The following CSMD1 variants were observed in gnomAD, a reference collection of about 807,000 sequenced individuals.
CSMD1 encodes CUB and sushi domain-containing protein 1.
CSMD1 carries 213 observed loss-of-function variants against 417.5 expected under a neutral mutation model. That is an observed-to-expected ratio of 0.51 (90% CI 0.46 to 0.57). The LOEUF (loss-of-function observed/expected upper bound fraction) is 0.57. CSMD1 is among the 20% of genes least tolerant of loss of function. The pLI, the probability that CSMD1 is intolerant of heterozygous loss-of-function variation, is 0.00. For synonymous variants in CSMD1, 2,862 were observed against 1,736.8 expected, an observed-to-expected ratio of 1.65 and a Z score of -16.11; for missense variants, 6,923 against 4,529.7, an observed-to-expected ratio of 1.53 and a Z score of -15.17.
intron 1 of CSMD1, among the ~76,000 whole-genome samples, chr8:4,965,221 T>C (rs1809781511): frequency 6.6e-6 from 1 of 152,224 alleles, no homozygotes. Context: ...ATAAGGATTT[T>C]AACACATTTC....
intron 7 of CSMD1, among the ~76,000 whole-genome samples, chr8:3,693,954 T>C (rs1171175082): frequency 1.3e-5 from 2 of 150,934 alleles, no homozygotes; most frequent in Admixed American, 1.3e-4. Context: ...GTGTTGGATA[T>C]AGGGGTGTGT....
chr8:4,472,663 A>G (rs989097256), intron 2 of CSMD1, among the ~76,000 whole-genome samples: 3 of 152,008 alleles, frequency 2.0e-5, no homozygotes, highest in African/African-American at 7.2e-5. Context: ...TTTATAAAAT[A>G]TTAATTGCTT....
intron 3 of CSMD1, among the ~76,000 whole-genome samples, chr8:4,197,318 C>A (rs907004684): frequency 1.3e-5 from 2 of 152,158 alleles, no homozygotes; most frequent in South Asian, 2.1e-4. Flanking sequence ...TATACAACAA[C>A]CTGACTTGGC....
At chr8:3,697,316 A>T (rs1028464734) in intron 7 of CSMD1, among the ~76,000 whole-genome samples, 5 of 152,144 alleles carry the variant, frequency 3.3e-5, no homozygotes, top group African/African-American at 9.7e-5. Context: ...TTCTCCTTAC[A>T]CCTTTAAAAT....
intron 3 of CSMD1, among the ~76,000 whole-genome samples, chr8:4,210,795 C>G (rs1284620524): frequency 2.6e-5 from 4 of 152,212 alleles, no homozygotes; most frequent in East Asian, 1.9e-4. Flanking sequence ...ACGAGCATAT[C>G]TACAAGGTCT....
chr8:4,574,424 C>T (rs1002272952), intron 2 of CSMD1, among the ~76,000 whole-genome samples: 1 of 152,170 alleles, frequency 6.6e-6, no homozygotes, highest in Non-Finnish European at 1.5e-5. Flanking sequence ...ATGCCCCACC[C>T]TTCTTCTGCT....
intron 5 of CSMD1, among the ~76,000 whole-genome samples, chr8:3,849,517 G>C (rs1473261303): frequency 6.6e-6 from 1 of 152,138 alleles, no homozygotes; most frequent in Non-Finnish European, 1.5e-5. Context: ...TGAGTAGCTC[G>C]ACGGTTAGAA....
chr8:4,191,740 A>G (rs1480094218), intron 3 of CSMD1, among the ~76,000 whole-genome samples: 5 of 62,726 alleles, frequency 8.0e-5, no homozygotes, highest in South Asian at 1.1e-3. Flanking sequence ...AGGGAAGGTC[A>G]TTCCAAAAAA....
chr8:3,283,661 G>A (rs963125562), intron 26 of CSMD1, among the ~76,000 whole-genome samples: 1 of 152,160 alleles, frequency 6.6e-6, no homozygotes, highest in Non-Finnish European at 1.5e-5. Flanking sequence ...TTCCTTGGAA[G>A]CAGGTCATGA....
chr8:2,959,602 T>C (rs1372867762), intron 62 of CSMD1, among the ~76,000 whole-genome samples: 1 of 152,168 alleles, frequency 6.6e-6, no homozygotes, highest in Non-Finnish European at 1.5e-5. Flanking sequence ...AAACTGATTA[T>C]CATACACTAA....
chr8:4,396,994 C>T (rs1352616769), intron 3 of CSMD1, among the ~76,000 whole-genome samples: 1 of 151,712 alleles, frequency 6.6e-6, no homozygotes, highest in Non-Finnish European at 1.5e-5. Context: ...ATTCATGTAA[C>T]CAAACACCAT....
chr8:4,582,058 G>T (rs1329226643), intron 2 of CSMD1, among the ~76,000 whole-genome samples: 1 of 151,590 alleles, frequency 6.6e-6, no homozygotes, highest in Non-Finnish European at 1.5e-5. Context: ...ATGGGACACT[G>T]CGTTCCGAGC....
intron 5 of CSMD1, among the ~76,000 whole-genome samples, chr8:3,801,171 T>C (rs1197417165): frequency 2.7e-5 from 4 of 150,858 alleles, no homozygotes; most frequent in Non-Finnish European, 4.4e-5. Context: ...CAAGAAAAGA[T>C]AGTCCACATA....
At chr8:4,155,686 T>C (rs17405018) in intron 3 of CSMD1, among the ~76,000 whole-genome samples, 10,466 of 152,172 alleles carry the variant, frequency 0.069, 480 homozygotes, top group Middle Eastern at 0.18. Context: ...TTAAGCAAAT[T>C]TCTAATCAAC....
At chr8:4,259,127 G>A (rs935894523) in intron 3 of CSMD1, among the ~76,000 whole-genome samples, 2 of 152,130 alleles carry the variant, frequency 1.3e-5, no homozygotes, top group African/African-American at 2.4e-5. Flanking sequence ...AAATATCAGA[G>A]CTAATTAGGC....
chr8:4,193,408 G>C (rs1368706911), intron 3 of CSMD1, among the ~76,000 whole-genome samples: 1 of 151,776 alleles, frequency 6.6e-6, no homozygotes, highest in Non-Finnish European at 1.5e-5. Flanking sequence ...GGGCTTCCAA[G>C]TCTGTTTGCT....
At chr8:4,464,933 T>C (rs938856041) in intron 2 of CSMD1, among the ~76,000 whole-genome samples, 2 of 152,154 alleles carry the variant, frequency 1.3e-5, no homozygotes, top group Non-Finnish European at 2.9e-5. Context: ...CACGAAGCCA[T>C]ATTCAAACCA....
chr8:4,657,171 G>A (rs189553956), intron 1 of CSMD1, among the ~76,000 whole-genome samples: 14 of 152,092 alleles, frequency 9.2e-5, no homozygotes, highest in African/African-American at 3.4e-4. Flanking sequence ...CATATGCCCA[G>A]GGCAGAATAC....
intron 1 of CSMD1, among the ~76,000 whole-genome samples, chr8:4,640,340 G>C (rs1003716625): frequency 2.6e-5 from 4 of 152,226 alleles, no homozygotes; most frequent in Non-Finnish European, 4.4e-5. Context: ...GCCTAAGATA[G>C]AATCGGATGT....
Sources: allele counts gnomAD v4.1 joint callset (sites outside exome capture counted in the v4.1 genomes callset), GRCh38; gene constraint gnomAD v4.1.1; transcripts MANE v1.5; gene names NCBI Gene and HGNC (gene_info 2026-07-23, HGNC 2026-07-21).